FANCI: variants seen among roughly 807,000 people sequenced by gnomAD.
FANCI encodes Fanconi anemia group I protein.
Under a neutral mutation model 176.1 loss-of-function variants are expected in FANCI, and 156 were observed. The ratio of observed to expected loss-of-function variants is 0.89; its 90% CI spans 0.78 to 1.01. The LOEUF (loss-of-function observed/expected upper bound fraction) is 1.01, where lower values mean the gene tolerates loss of function less well. Ranked by LOEUF, FANCI falls within the 50% of genes least tolerant of loss-of-function variation. FANCI has a pLI of 0.00. For missense variants in FANCI, 1,678 were observed against 1,534.1 expected, an observed-to-expected ratio of 1.09 and a Z score of -1.57; for synonymous variants, 613 against 541.7, an observed-to-expected ratio of 1.13 and a Z score of -1.83.
Position 89,315,277 on chromosome 15 carries a change from C to T in FANCI, c.3817-5C>T, listed in dbSNP as rs770598674. On this transcript the variant is annotated splice_polypyrimidine_tract_variant and splice_region_variant and intron_variant, in intron 36 of 37. Coordinates refer to ENST00000310775, the MANE Select transcript of FANCI (RefSeq NM_001113378.2). ...AGATGTCCCATGCTTACAATCTTGTCATAGGTGAACCTGATGCAGCACATG... is the reference window on the plus strand; with the variant it reads ...AGATGTCCCATGCTTACAATCTTGTTATAGGTGAACCTGATGCAGCACATG... 2.5e-6 allele frequency: 4 copies of T among 1,608,404 alleles called. No individual in the cohort carries two copies. In the South Asian group the frequency reaches 4.4e-5, roughly 18 times the overall value.
intron 31 of FANCI, 134 bp from the exon 32 acceptor site, chr15:89,305,873 A>T: frequency 9.4e-7 from 1 of 1,058,738 alleles, no homozygotes; most frequent in Non-Finnish European, 1.4e-6. Flanking sequence ...CAGCACGATT[A>T]ATTCACTCTG....
At chr15:89,300,046 C>T (rs2054470090) in intron 25 of FANCI, 80 bp downstream of exon 25, 1 of 1,491,976 alleles carries the variant, frequency 6.7e-7, no homozygotes, top group Non-Finnish European at 9.3e-7. Context: ...TGTTAACCTA[C>T]CAGAAGACAC....
At chr15:89,266,448 C>A (rs1031955792) in intron 9 of FANCI, among the ~76,000 whole-genome samples, 4 of 151,622 alleles carry the variant, frequency 2.6e-5, no homozygotes, top group Non-Finnish European at 5.9e-5. Context: ...CCTGCCTCAG[C>A]CTCCCTAGTA....
chr15:89,306,311 C>T (rs1049525221), intron 32 of FANCI, 117 bp downstream of exon 32: 1 of 1,039,876 alleles, frequency 9.6e-7, no homozygotes, highest in African/African-American at 1.6e-5. Flanking sequence ...GCATTTGCCT[C>T]CATCTTGGCA....
chr15:89,291,271 A>T (rs2054057318), intron 19 of FANCI, among the ~76,000 whole-genome samples: 1 of 152,194 alleles, frequency 6.6e-6, no homozygotes, highest in Admixed American at 6.5e-5. Context: ...TTTTATAAAA[A>T]CCAGTAATAA....
chr15:89,267,332 A>AATTT (rs1491474517), intron 9 of FANCI, among the ~76,000 whole-genome samples: 1,301 of 94,748 alleles, frequency 0.014, 15 homozygotes, highest in African/African-American at 0.036. Context: ...AAAAAAAAAA[A>AATTT]TTTTTTTTTT....
At chr15:89,293,198 A>G (rs1379829543) in intron 22 of FANCI, 135 bp downstream of exon 22, 2 of 931,450 alleles carry the variant, frequency 2.1e-6, no homozygotes, top group South Asian at 2.9e-5. Context: ...CACCTAGTCT[A>G]AGACTAAACT....
At chr15:89,290,322 A>G (rs887263950) in intron 19 of FANCI, 41 bp downstream of exon 19, 2 of 1,448,852 alleles carry the variant, frequency 1.4e-6, no homozygotes, top group South Asian at 1.1e-5. Flanking sequence ...ACAGACCATC[A>G]AGGATCGAGA....
intron 28 of FANCI, 102 bp downstream of exon 28, chr15:89,304,017 C>A: frequency 1.8e-6 from 2 of 1,106,518 alleles, no homozygotes; most frequent in East Asian, 2.4e-5. Flanking sequence ...ACACATTCAC[C>A]AGAGTGGCCA....
intron 12 of FANCI, 78 bp downstream of exon 12, chr15:89,274,382 GC>G: frequency 6.6e-7 from 1 of 1,510,740 alleles, no homozygotes; most frequent in Non-Finnish European, 9.1e-7. Flanking sequence ...CATACTTGCA[GC>G]CTGTGAGGGG....
At chr15:89,315,912 A>G (rs542563585) in intron 37 of FANCI, among the ~76,000 whole-genome samples, 1 of 152,336 alleles carries the variant, frequency 6.6e-6, no homozygotes, top group African/African-American at 2.4e-5. Flanking sequence ...TCTAGCACCT[A>G]AAATTTTCAT....
chr15:89,244,713 G>A (rs2051866827), intron 1 of FANCI, among the ~76,000 whole-genome samples: 2 of 152,180 alleles, frequency 1.3e-5, no homozygotes, highest in African/African-American at 2.4e-5. Context: ...GTCCGGAGCT[G>A]GACAGACTCG....
chr15:89,266,189 G>A (rs1254411775), intron 9 of FANCI, among the ~76,000 whole-genome samples: 2 of 126,922 alleles, frequency 1.6e-5, no homozygotes, highest in Admixed American at 8.3e-5. Flanking sequence ...TTTTTGAGAT[G>A]GAGTCTCTGT....
rs932808252 is a variant in FANCI, at chr15:89,317,093, C to G, written c.*634C>G. The stretch of plus-strand genomic sequence containing the variant: ...TTGTTTTTCTGTCACCTATAGAGTG[C>G]AAGAATGCACTCTATAGAATAAATT... On this transcript the variant is annotated 3_prime_UTR_variant, in exon 38 of 38. Coordinates refer to ENST00000310775, the MANE Select transcript of FANCI (RefSeq NM_001113378.2). The G allele has an allele frequency of 1.7e-6, 1 of 590,212 alleles. No homozygotes were observed. The highest frequency in any genetic ancestry group is 3.0e-6 in the Non-Finnish European group (1 of 333,684). 36.6% of individuals were successfully genotyped at this position (590,212 alleles called of 1,614,324 possible).
chr15:89,307,463 CT>C lies in FANCI; in HGVS notation c.3538-6del, dbSNP rs768698404. On this transcript the variant is annotated splice_polypyrimidine_tract_variant and intron_variant, in intron 32 of 37. Transcript: ENST00000310775. The stretch of plus-strand genomic sequence containing the variant: ...AGGACAGTCTACTAAATCTAGGAAT[CT>C]TTTTTTATTAGTATCTCCAGGTGTG... The C allele has an allele frequency of 3.1e-6, 5 of 1,612,504 alleles. No homozygotes were observed. In the South Asian group the frequency reaches 3.3e-5, roughly 11 times the overall value.
intron 27 of FANCI, among the ~76,000 whole-genome samples, chr15:89,301,689 G>T (rs1480688532): frequency 2.6e-5 from 4 of 152,160 alleles, no homozygotes; most frequent in African/African-American, 4.8e-5. Context: ...TTTGTTCAGG[G>T]TAGAGTGAAA....
chr15:89,259,060 T>A lies in FANCI; in HGVS notation c.157+284T>A, dbSNP rs1420510453. ...CTTTGGTTTACTTGTGCTTTTAAGA[T>A]TGTGGAGAAGAGAACAGCAATGTTT... On this transcript the variant is annotated intron_variant, in intron 3 of 37. Transcript: ENST00000310775. 8 of 407,814 alleles carry A rather than the reference T, an allele frequency of 2.0e-5. No homozygotes were observed. The East Asian group carries it at 4.4e-4, about 22-fold the overall frequency. 25.3% of individuals were successfully genotyped at this position (407,814 alleles called of 1,614,324 possible).
chr15:89,274,627 C>T (rs1429603526), intron 12 of FANCI, among the ~76,000 whole-genome samples: 73 of 47,350 alleles, frequency 1.5e-3, no homozygotes, highest in Non-Finnish European at 2.9e-3. Context: ...TTTTTTGAGA[C>T]AGAGTCTCAC....
At position 89,292,775 on chromosome 15, in the gene FANCI, G is replaced by A. The variant is rs1199910681; in HGVS notation, c.2080G>A (p.Glu694Lys). Residue 694 changes from glutamate to lysine, a missense_variant, in exon 21 of 38, where the codon GAG (glutamate) becomes AAG (lysine). Physicochemically the swap from Glu to Lys is moderately conservative, Grantham distance 56. This residue lies in a region of FANCI where 1,204 missense variants were observed against 1,077.4 expected (regional missense o/e 1.12). Transcript: ENST00000310775. ...PLQQGEEEEE[E>K]EEAFYEDLDD... is the part of the protein sequence containing the mutation. ...ACAGCAGGGAGAGGAGGAAGAGGAG[G>A]AGGAAGAGGCATTCTACGAAGACCT... 4.3e-6 allele frequency: 7 copies of A among 1,613,946 alleles called. No homozygotes were observed. Among genetic ancestry groups the A allele is most frequent in the Non-Finnish European group, 5.9e-6 (7 of 1,179,918 alleles).
Sources: allele counts gnomAD v4.1 joint callset (sites outside exome capture counted in the v4.1 genomes callset), GRCh38; gene constraint gnomAD v4.1.1; regional missense constraint gnomAD v4.1.1; transcripts MANE v1.5; gene names NCBI Gene and HGNC (gene_info 2026-07-23, HGNC 2026-07-21).